The following DKK2 variants were observed in gnomAD, a reference collection of about 807,000 sequenced individuals.
The protein encoded by DKK2 is dickkopf Wnt signaling pathway inhibitor 2.
Under a neutral mutation model 28.1 loss-of-function variants are expected in DKK2, and 11 were observed. The ratio of observed to expected loss-of-function variants is 0.39; its 90% CI spans 0.25 to 0.65. The LOEUF (loss-of-function observed/expected upper bound fraction) is 0.65, where lower values mean the gene tolerates loss of function less well. Among genes scored for constraint, DKK2 ranks in the 30% least tolerant of loss-of-function variants. DKK2 has a pLI of 0.47. For missense variants in DKK2, 326 were observed against 335.5 expected, an observed-to-expected ratio of 0.97 and a Z score of 0.22; for synonymous variants, 135 against 126.5, an observed-to-expected ratio of 1.07 and a Z score of -0.45.
rs150354554 is a variant in DKK2 at position 107,005,448 on chromosome 4, T to A, written c.222+29922A>T. 5.2e-3 allele frequency among the ~76,000 whole-genome samples: 789 copies of A among 151,422 alleles called. 5 individuals are homozygous for A. Among genetic ancestry groups the A allele is most frequent in the African/African-American group, 0.018 (753 of 41,222 alleles). On this transcript the variant is annotated intron_variant, in intron 1 of 3. Transcript: ENST00000285311. ...AGCAGCCATAGAAAACAAAAAAATATAATTTTTTTAAAAAAATGAATCAAC... is the reference window on the plus strand; with the variant it reads ...AGCAGCCATAGAAAACAAAAAAATAAAATTTTTTTAAAAAAATGAATCAAC...
At chr4:106,999,711 T>C (rs912342422) in intron 1 of DKK2, among the ~76,000 whole-genome samples, 6 of 152,216 alleles carry the variant, frequency 3.9e-5, no homozygotes, top group Non-Finnish European at 8.8e-5. Flanking sequence ...ATTCTTATTT[T>C]TATTTTTTGG....
chr4:107,035,842 T>A lies in DKK2; in HGVS notation c.-251A>T. ...GAAGTTCTGCAATAACTGGAAGCAA[T>A]CAAATGCGAGGCGCTTTCTCGCCAA... On this transcript the variant is annotated 5_prime_UTR_variant, in exon 1 of 4. Coordinates refer to ENST00000285311, the MANE Select transcript of DKK2 (RefSeq NM_014421.3). The A allele has an allele frequency of 1.8e-6, 1 of 547,012 alleles. No individual in the cohort carries two copies. 33.9% of individuals were successfully genotyped at this position (547,012 alleles called of 1,614,324 possible).
At chr4:107,010,875 T>C (rs1293238627) in intron 1 of DKK2, among the ~76,000 whole-genome samples, 3 of 151,074 alleles carry the variant, frequency 2.0e-5, no homozygotes, top group Non-Finnish European at 3.0e-5. Context: ...AACCCATAGA[T>C]ATTAATATAA....
intron 1 of DKK2, among the ~76,000 whole-genome samples, chr4:106,961,765 C>T (rs1722688426): frequency 6.6e-6 from 1 of 152,146 alleles, no homozygotes; most frequent in Non-Finnish European, 1.5e-5. Context: ...TGATTCCTTC[C>T]TCCACCACTT....
chr4:106,951,504 T>TA lies in DKK2; in HGVS notation c.223-25556dup, dbSNP rs530322527. Among the ~76,000 whole-genome samples the TA allele has an allele frequency of 2.0e-3, 306 of 152,232 alleles. 1 individual carries two copies. Among genetic ancestry groups the TA allele is most frequent in the African/African-American group, 3.6e-3 (150 of 41,550 alleles). The stretch of plus-strand genomic sequence containing the variant: ...GACACAATGCAATACTATTCAGCCA[T>TA]AAAAAAGAATGAAACCGTGTCATTT... On this transcript the variant is annotated intron_variant, in intron 1 of 3. Transcript: ENST00000285311.
Position 107,027,876 on chromosome 4 carries a change from T to C in DKK2, c.222+7494A>G, listed in dbSNP as rs976691165. On this transcript the variant is annotated intron_variant, in intron 1 of 3. Coordinates refer to ENST00000285311, the MANE Select transcript of DKK2 (RefSeq NM_014421.3). ...ACGCCATTCTCCTGCCTCAGCCTCC[T>C]GAGTAGCTGGGACTACAGGCGCCTG... is the stretch of plus-strand genomic sequence containing the variant. Among the ~76,000 whole-genome samples, 53 of 151,654 alleles carry C rather than the reference T, an allele frequency of 3.5e-4. 1 individual carries two copies. The highest frequency in any genetic ancestry group is 1.0e-3 in the African/African-American group (42 of 41,374).
intron 1 of DKK2, among the ~76,000 whole-genome samples, chr4:106,985,853 GA>G (rs1036397219): frequency 2.0e-5 from 3 of 148,198 alleles, no homozygotes; most frequent in African/African-American, 5.0e-5. Flanking sequence ...AAAAGAAAAA[GA>G]AAAAAAATAA....
At chr4:106,936,731 C>A (rs375907029) in intron 1 of DKK2, among the ~76,000 whole-genome samples, 1 of 152,086 alleles carries the variant, frequency 6.6e-6, no homozygotes, top group African/African-American at 2.4e-5. Context: ...GTCGGGTTAC[C>A]CACAAAGGGA....
intron 1 of DKK2, among the ~76,000 whole-genome samples, chr4:106,936,163 A>G (rs1224496685): frequency 3.3e-5 from 5 of 152,016 alleles, no homozygotes; most frequent in Non-Finnish European, 5.9e-5. Flanking sequence ...CGATCAAATT[A>G]CTTTGAGCTA....
At chr4:107,017,443 G>C (rs1319988296) in intron 1 of DKK2, among the ~76,000 whole-genome samples, 1 of 151,928 alleles carries the variant, frequency 6.6e-6, no homozygotes, top group African/African-American at 2.4e-5. Context: ...TTTAAAAATT[G>C]TGTTTTCATT....
intron 1 of DKK2, among the ~76,000 whole-genome samples, chr4:106,972,000 A>T (rs1722874099): frequency 6.6e-6 from 1 of 152,084 alleles, no homozygotes. Context: ...ATCCATTGTT[A>T]TGAAGGGTCC....
chr4:106,958,214 A>AT (rs936569838), intron 1 of DKK2, among the ~76,000 whole-genome samples: 5 of 151,626 alleles, frequency 3.3e-5, no homozygotes, highest in South Asian at 2.1e-4. Context: ...ATTATTAATA[A>AT]TAAAAAAAAG....
chr4:106,927,236 T>G (rs944670664), intron 1 of DKK2, among the ~76,000 whole-genome samples: 4 of 152,074 alleles, frequency 2.6e-5, no homozygotes, highest in Admixed American at 2.0e-4. Context: ...TGCTCATGTC[T>G]TTTTTTCCTT....
intron 1 of DKK2, among the ~76,000 whole-genome samples, chr4:107,017,296 G>T (rs1723624587): frequency 6.6e-6 from 1 of 151,916 alleles, no homozygotes. Context: ...TTAATGCAAT[G>T]GGATAAAATC....
At chr4:106,955,178 T>C (rs1484811093) in intron 1 of DKK2, among the ~76,000 whole-genome samples, 1 of 152,172 alleles carries the variant, frequency 6.6e-6, no homozygotes, top group Non-Finnish European at 1.5e-5. Flanking sequence ...AATGGGCTTT[T>C]ATTTTTTCTT....
chr4:107,020,173 C>A (rs1289832511), intron 1 of DKK2, among the ~76,000 whole-genome samples: 1 of 152,026 alleles, frequency 6.6e-6, no homozygotes, highest in Non-Finnish European at 1.5e-5. Flanking sequence ...ATTCACAGTA[C>A]ACACTTCAAT....
intron 1 of DKK2, among the ~76,000 whole-genome samples, chr4:107,032,066 A>G (rs902635995): frequency 1.3e-5 from 2 of 152,030 alleles, no homozygotes; most frequent in African/African-American, 4.8e-5. Flanking sequence ...TACTAGTAAC[A>G]GTCTGAAACT....
At chr4:107,031,148 T>C (rs976814310) in intron 1 of DKK2, among the ~76,000 whole-genome samples, 3 of 151,986 alleles carry the variant, frequency 2.0e-5, no homozygotes, top group Non-Finnish European at 2.9e-5. Context: ...GAAAGGAACG[T>C]TAATGTAGAT....
chr4:106,940,151 C>T (rs1412849007), intron 1 of DKK2, among the ~76,000 whole-genome samples: 1 of 152,196 alleles, frequency 6.6e-6, no homozygotes, highest in Non-Finnish European at 1.5e-5. Flanking sequence ...GCAAAAGAAA[C>T]TACCATCAGA....
Sources: allele counts gnomAD v4.1 joint callset (sites outside exome capture counted in the v4.1 genomes callset), GRCh38; gene constraint gnomAD v4.1.1; transcripts MANE v1.5; gene names NCBI Gene and HGNC (gene_info 2026-07-23, HGNC 2026-07-21).